The following SKAP1 variants were observed in gnomAD, a reference collection of about 807,000 sequenced individuals.
SKAP1 encodes src kinase-associated phosphoprotein 1.
In SKAP1, 44 loss-of-function variants were observed where a neutral mutation model predicts 58.5. That is an observed-to-expected ratio of 0.75 (90% CI 0.59 to 0.97). The LOEUF (loss-of-function observed/expected upper bound fraction) is 0.97. Ranked by LOEUF, SKAP1 falls within the 50% of genes least tolerant of loss-of-function variation. The pLI is 0.00. For synonymous variants in SKAP1, 127 were observed against 149.7 expected (o/e 0.85, Z 1.11); for missense variants, 390 against 435.2 (o/e 0.90, Z 0.92).
chr17:48,274,735 G>T (rs2065678252), intron 4 of SKAP1, among the ~76,000 whole-genome samples: 1 of 152,032 alleles, frequency 6.6e-6, no homozygotes, highest in Admixed American at 6.6e-5. Flanking sequence ...AGAGACAGGG[G>T]TCTCACTATG....
At chr17:48,162,326 T>A (rs754530698) in intron 11 of SKAP1, 143 bp downstream of exon 11, 27 of 552,864 alleles carry the variant, frequency 4.9e-5, no homozygotes, top group Non-Finnish European at 8.1e-5. Flanking sequence ...TTAAAACTTT[T>A]CCTAACAATT....
intron 4 of SKAP1, among the ~76,000 whole-genome samples, chr17:48,271,372 T>TTG (rs1567847125): frequency 1.4e-5 from 2 of 145,678 alleles, no homozygotes; most frequent in Non-Finnish European, 3.0e-5. Context: ...CTTTTTTTTT[T>TTG]TTTTTTTTTT....
At chr17:48,158,567 C>CAAAAAAAAAAAAAAAAAAAAAAAAAAA (rs1171183021) in intron 11 of SKAP1, among the ~76,000 whole-genome samples, 1 of 61,512 alleles carries the variant, frequency 1.6e-5, no homozygotes, top group Non-Finnish European at 2.8e-5. Context: ...GACTCTGTCT[C>CAAAAAAAAAAAAAAAAAAAAAAAAAAA]AAAAAAAAAA....
At chr17:48,308,427 T>A (rs745499100) in intron 4 of SKAP1, 17 of 152,232 alleles carry the variant, frequency 1.1e-4, no homozygotes, top group Non-Finnish European at 1.9e-4. Flanking sequence ...CAAGAGAGTT[T>A]TGATGAGAAG....
At chr17:48,397,446 G>A (rs141750107) in intron 1 of SKAP1, among the ~76,000 whole-genome samples, 2,795 of 152,208 alleles carry the variant, frequency 0.018, 40 homozygotes, top group Non-Finnish European at 0.028. Flanking sequence ...GGCTGGTTTC[G>A]AACTCCTGAG....
chr17:48,375,525 T>C (rs2067139942), intron 2 of SKAP1, among the ~76,000 whole-genome samples: 1 of 152,220 alleles, frequency 6.6e-6, no homozygotes, highest in Non-Finnish European at 1.5e-5. Flanking sequence ...TGATTAAGCT[T>C]TCTGATTGCA....
chr17:48,216,162 ATGT>A (rs1482251164), intron 4 of SKAP1, among the ~76,000 whole-genome samples: 1 of 152,200 alleles, frequency 6.6e-6, no homozygotes, highest in East Asian at 1.9e-4. Context: ...TGTCACACAC[ATGT>A]TGTTCTTGGC....
intron 4 of SKAP1, among the ~76,000 whole-genome samples, chr17:48,206,042 A>G (rs1691642567): frequency 6.6e-6 from 1 of 152,224 alleles, no homozygotes. Flanking sequence ...GAGAGCAGCC[A>G]GCCCAGAGTG....
chr17:48,220,956 A>G (rs762645402), intron 4 of SKAP1, among the ~76,000 whole-genome samples: 6 of 151,020 alleles, frequency 4.0e-5, no homozygotes, highest in Non-Finnish European at 8.9e-5. Context: ...GGCTTACATA[A>G]GTGTGTTCAC....
intron 4 of SKAP1, among the ~76,000 whole-genome samples, chr17:48,275,101 C>T (rs9895985): frequency 0.33 from 49,942 of 152,066 alleles, 8,894 homozygotes; most frequent in African/African-American, 0.47. Flanking sequence ...CATTCCCTTT[C>T]ACTTTACCAG....
At chr17:48,151,138 T>C (rs888233288) in intron 11 of SKAP1, among the ~76,000 whole-genome samples, 1 of 151,196 alleles carries the variant, frequency 6.6e-6, no homozygotes, top group Admixed American at 6.6e-5. Flanking sequence ...AAAATGTTCA[T>C]GCTTTTGTAT....
At chr17:48,399,372 G>A (rs993383704) in intron 1 of SKAP1, among the ~76,000 whole-genome samples, 5 of 152,104 alleles carry the variant, frequency 3.3e-5, no homozygotes, top group Non-Finnish European at 7.4e-5. Context: ...ACAGCCTTTC[G>A]TGATAAAAAT....
chr17:48,286,979 C>T (rs1311488694), intron 4 of SKAP1, among the ~76,000 whole-genome samples: 2 of 152,078 alleles, frequency 1.3e-5, no homozygotes, highest in Non-Finnish European at 2.9e-5. Flanking sequence ...GCCTGTAATC[C>T]CAGCTACTCG....
the SKAP1 span, among the ~76,000 whole-genome samples, chr17:48,442,464 A>G: frequency 6.6e-6 from 1 of 152,144 alleles, no homozygotes; most frequent in Non-Finnish European, 1.5e-5. Flanking sequence ...CCACTCACTG[A>G]AGCCTTAGTT....
chr17:48,283,196 C>CAT (rs2065789242), intron 4 of SKAP1, among the ~76,000 whole-genome samples: 1 of 152,056 alleles, frequency 6.6e-6, no homozygotes. Flanking sequence ...TGCCACCCAG[C>CAT]ATAACTGATG....
intron 4 of SKAP1, among the ~76,000 whole-genome samples, chr17:48,337,950 T>C (rs1261901019): frequency 1.3e-5 from 2 of 152,162 alleles, no homozygotes; most frequent in Non-Finnish European, 2.9e-5. Flanking sequence ...GTTCTATCAC[T>C]TGCTAGTTGT....
chr17:48,275,563 T>C (rs1473809451), intron 4 of SKAP1, among the ~76,000 whole-genome samples: 1 of 152,218 alleles, frequency 6.6e-6, no homozygotes, highest in Non-Finnish European at 1.5e-5. Flanking sequence ...TCATTTGAAG[T>C]TTTGAACTTG....
chr17:48,290,715 T>C lies in SKAP1; in HGVS notation c.280+55190A>G, dbSNP rs185117136. Among the ~76,000 whole-genome samples the C allele has an allele frequency of 8.6e-5, 13 of 151,664 alleles. No individual in the cohort carries two copies. The East Asian group carries it at 2.5e-3, about 29-fold the overall frequency. ...GACATATCTCCAGTGCCTAGAACAGTACCTGGCACATAGTAGGTGCCCAGT... is the reference window on the plus strand; with the variant it reads ...GACATATCTCCAGTGCCTAGAACAGCACCTGGCACATAGTAGGTGCCCAGT... On this transcript the variant is annotated intron_variant, in intron 4 of 12. Coordinates refer to ENST00000336915, the MANE Select transcript of SKAP1 (RefSeq NM_003726.4).
intron 1 of SKAP1, among the ~76,000 whole-genome samples, chr17:48,398,678 C>T (rs189967015): frequency 2.0e-5 from 3 of 152,196 alleles, no homozygotes; most frequent in Admixed American, 6.5e-5. Flanking sequence ...TTTATATTCA[C>T]GTCATTTAAC....
Sources: gnomAD v4.1 joint callset for allele counts (sites outside exome capture counted in the v4.1 genomes callset) on GRCh38, gnomAD v4.1.1 for gene constraint, MANE v1.5 for transcripts, NCBI Gene and HGNC (gene_info 2026-07-23, HGNC 2026-07-21) for gene names.